The following PCBP3 variants were observed in gnomAD, a reference collection of about 807,000 sequenced individuals.
The protein encoded by PCBP3 is poly(rC) binding protein 3.
PCBP3 carries 25 observed loss-of-function variants against 52.7 expected under a neutral mutation model. The observed-to-expected ratio is 0.47, with a 90% CI of 0.35 to 0.66. PCBP3 has a LOEUF of 0.66. Among genes scored for constraint, PCBP3 ranks in the 30% least tolerant of loss-of-function variants. PCBP3 has a pLI of 0.01. For missense variants in PCBP3, 391 were observed against 490.3 expected (o/e 0.80, Z 1.91); for synonymous variants, 162 against 183.0 (o/e 0.89, Z 0.93).
intron 4 of PCBP3, among the ~76,000 whole-genome samples, chr21:45,789,574 G>C (rs780048889): frequency 2.5e-4 from 38 of 152,314 alleles, no homozygotes; most frequent in Middle Eastern, 3.4e-3. Context: ...GGGCAGAGGA[G>C]TCCCCAGCAC....
At chr21:45,866,562 A>G (rs2094732788) in intron 5 of PCBP3, among the ~76,000 whole-genome samples, 1 of 152,096 alleles carries the variant, frequency 6.6e-6, no homozygotes, top group African/African-American at 2.4e-5. Context: ...GGCTCAGGAG[A>G]AATGAAGGGT....
intron 4 of PCBP3, among the ~76,000 whole-genome samples, chr21:45,825,306 G>C (rs567927026): frequency 1.1e-3 from 167 of 152,336 alleles, no homozygotes; most frequent in Middle Eastern, 3.4e-3. Context: ...CTCGGCCACT[G>C]CTGCCTGTCT....
intron 2 of PCBP3, among the ~76,000 whole-genome samples, chr21:45,682,726 G>A (rs1273329652): frequency 6.6e-6 from 1 of 152,104 alleles, no homozygotes; most frequent in Non-Finnish European, 1.5e-5. Context: ...AGAGAAAGAT[G>A]AGGAGGAGCA....
chr21:45,708,013 C>T (rs2083568588), intron 2 of PCBP3, among the ~76,000 whole-genome samples: 12 of 152,234 alleles, frequency 7.9e-5, no homozygotes. Flanking sequence ...CAGGTATCTT[C>T]AGTGGCAAAG....
chr21:45,660,150 T>C (rs144145013), intron 1 of PCBP3, among the ~76,000 whole-genome samples: 27 of 151,866 alleles, frequency 1.8e-4, no homozygotes, highest in East Asian at 1.2e-3. Context: ...CACACACACA[T>C]ATATATATGT....
At chr21:45,925,349 CAAGT>C (rs1482713577) in intron 13 of PCBP3, among the ~76,000 whole-genome samples, 2 of 152,094 alleles carry the variant, frequency 1.3e-5, no homozygotes, top group Non-Finnish European at 2.9e-5. Flanking sequence ...TGACAGGAAA[CAAGT>C]GAGGGGAAAA....
chr21:45,863,238 A>G (rs974050852), intron 5 of PCBP3, among the ~76,000 whole-genome samples: 1 of 152,246 alleles, frequency 6.6e-6, no homozygotes, highest in Non-Finnish European at 1.5e-5. Context: ...GAGGACCTGC[A>G]AGAGCGTCAC....
chr21:45,914,178 C>A, intron 12 of PCBP3, 153 bp downstream of exon 12: 2 of 1,343,616 alleles, frequency 1.5e-6, no homozygotes, highest in Non-Finnish European at 2.0e-6. Flanking sequence ...CTACACCCAG[C>A]ACCAGGCGGA....
intron 1 of PCBP3, among the ~76,000 whole-genome samples, chr21:45,663,053 G>C (rs898251544): frequency 6.6e-5 from 10 of 152,108 alleles, no homozygotes; most frequent in Non-Finnish European, 1.3e-4. Context: ...CTCCTGGTCC[G>C]CTTTCATGTT....
intron 5 of PCBP3, among the ~76,000 whole-genome samples, chr21:45,875,327 T>TGGCA (rs1162204266): frequency 6.6e-6 from 1 of 152,210 alleles, no homozygotes; most frequent in African/African-American, 2.4e-5. Flanking sequence ...GCACATGTGC[T>TGGCA]GGCAGCTGTT....
chr21:45,672,061 T>G (rs888656783), intron 2 of PCBP3, among the ~76,000 whole-genome samples: 2 of 152,156 alleles, frequency 1.3e-5, no homozygotes, highest in Admixed American at 1.3e-4. Flanking sequence ...GGCTGTTCCC[T>G]TATGAGTGGA....
At chr21:45,793,684 C>T (rs1001460535) in intron 4 of PCBP3, among the ~76,000 whole-genome samples, 9 of 152,130 alleles carry the variant, frequency 5.9e-5, no homozygotes, top group Non-Finnish European at 8.8e-5. Context: ...CAGGAGGAGA[C>T]GGGAGGCGAT....
chr21:45,940,890 T>C (rs1281989995), intron 17 of PCBP3, among the ~76,000 whole-genome samples: 1 of 148,944 alleles, frequency 6.7e-6, no homozygotes, highest in Non-Finnish European at 1.5e-5. Flanking sequence ...GATGTCCTAC[T>C]GCAAGAGCCC....
At position 45,643,746 on chromosome 21, in the gene PCBP3, G is replaced by C. The variant is rs1234459090; in HGVS notation, c.-401G>C. ...CGCCGCCTCAGCCGCCTCAGCCGCG[G>C]TCGCCGCCGCTTCGGCTGACTTAGG... On this transcript the variant is annotated 5_prime_UTR_variant, in exon 1 of 18. Transcript: ENST00000681687. 3 of 148,250 alleles carry C rather than the reference G, an allele frequency of 2.0e-5. No individual in the cohort carries two copies. The highest frequency in any genetic ancestry group is 4.5e-5 in the Non-Finnish European group (3 of 66,572). The allele number at this position is 148,250 out of a possible 1,614,324, so 9.2% of individuals were successfully genotyped here. A position where few individuals can be genotyped will look rare whatever the true frequency, so the allele number is the denominator to read the frequency against.
chr21:45,937,683 A>C (rs1288544053), intron 16 of PCBP3, among the ~76,000 whole-genome samples: 1 of 152,200 alleles, frequency 6.6e-6, no homozygotes, highest in Non-Finnish European at 1.5e-5. Context: ...GAGTCTGCTA[A>C]CTGCTGGCAG....
chr21:45,925,579 T>A (rs2075292790), intron 13 of PCBP3, among the ~76,000 whole-genome samples: 1 of 152,126 alleles, frequency 6.6e-6, no homozygotes, highest in African/African-American at 2.4e-5. Context: ...TTTTTTTGTT[T>A]TTTTTTCTTT....
At chr21:45,774,392 A>G (rs934437661) in intron 4 of PCBP3, among the ~76,000 whole-genome samples, 2 of 151,758 alleles carry the variant, frequency 1.3e-5, no homozygotes, top group African/African-American at 4.8e-5. Context: ...CCATCTCAAA[A>G]AAAAAAAAAA....
intron 2 of PCBP3, chr21:45,732,765 C>T (rs1457918184): frequency 6.6e-6 from 1 of 152,140 alleles, no homozygotes; most frequent in East Asian, 1.9e-4. Context: ...AGGTAATCCT[C>T]CAACCTCAGC....
chr21:45,650,407 AT>A (rs2079602872), intron 1 of PCBP3, among the ~76,000 whole-genome samples: 1 of 152,306 alleles, frequency 6.6e-6, no homozygotes, highest in African/African-American at 2.4e-5. Context: ...TATCACCCTT[AT>A]TCAGATTTGG....
Sources: allele counts gnomAD v4.1 joint callset (sites outside exome capture counted in the v4.1 genomes callset), GRCh38; gene constraint gnomAD v4.1.1; transcripts MANE v1.5; gene names NCBI Gene and HGNC (gene_info 2026-07-23, HGNC 2026-07-21).